SNX16: variants seen among roughly 807,000 people sequenced by gnomAD.
The protein encoded by SNX16 is sorting nexin-16.
A neutral mutation model predicts 36.7 loss-of-function variants in SNX16; 35 were observed. The observed-to-expected ratio is 0.95, with a 90% CI of 0.73 to 1.27. The LOEUF is 1.27. Ranked by LOEUF, SNX16 falls within the 50% of genes most tolerant of loss-of-function variation. The probability of loss-of-function intolerance (pLI) is 0.00; values close to 1 mark genes in which losing one functional copy is unlikely to be tolerated. For missense variants in SNX16, 367 were observed against 393.6 expected (o/e 0.93, Z 0.57); for synonymous variants, 134 against 132.0 (o/e 1.02, Z -0.10).
chr8:81,824,736 G>A (rs765218201), intron 3 of SNX16, among the ~76,000 whole-genome samples: 1 of 152,130 alleles, frequency 6.6e-6, no homozygotes, highest in Non-Finnish European at 1.5e-5. Flanking sequence ...CCACAACTGT[G>A]TAACAAATTA....
At chr8:81,814,150 C>A (rs1810379857) in intron 5 of SNX16, among the ~76,000 whole-genome samples, 1 of 151,848 alleles carries the variant, frequency 6.6e-6, no homozygotes, top group Admixed American at 6.6e-5. Context: ...CATAATATCA[C>A]AAAACTGGAA....
At chr8:81,840,791 C>A (rs1009716048) in intron 1 of SNX16, among the ~76,000 whole-genome samples, 3 of 152,196 alleles carry the variant, frequency 2.0e-5, no homozygotes, top group African/African-American at 7.2e-5. Flanking sequence ...GTATTTAAAT[C>A]TTTATAACTT....
At chr8:81,823,016 T>C (rs948508076) in intron 4 of SNX16, among the ~76,000 whole-genome samples, 3 of 147,488 alleles carry the variant, frequency 2.0e-5, no homozygotes, top group Non-Finnish European at 4.5e-5. Context: ...ATATCGCACG[T>C]GTGTCATGCA....
At chr8:81,805,329 TAA>T (rs1364813577) in intron 5 of SNX16, among the ~76,000 whole-genome samples, 1 of 152,112 alleles carries the variant, frequency 6.6e-6, no homozygotes, top group Non-Finnish European at 1.5e-5. Context: ...ATGAAAATAT[TAA>T]GACTTGTGAG....
chr8:81,823,867 TC>T lies in SNX16; in HGVS notation c.535del (p.Asp179ThrfsTer3). 1 of 1,612,342 alleles carries T rather than the reference TC, an allele frequency of 6.2e-7. No individual in the cohort carries two copies. The highest frequency in any genetic ancestry group is 2.2e-5 in the East Asian group (1 of 44,754). On this transcript the variant is annotated frameshift_variant, in exon 4 of 8. Coordinates refer to ENST00000345957, the MANE Select transcript of SNX16 (RefSeq NM_152836.3). LOFTEE classifies it high-confidence loss of function. ...KRWFKDNYNA[D>X]FLEDRQLGLQ... is the part of the protein sequence containing the mutation. ...TCCTAATTGTCTGTCTTCTAAAAAG[TC>T]AGCATTGTAATTATCTTTAAACCAG...
intron 3 of SNX16, among the ~76,000 whole-genome samples, chr8:81,824,528 A>ATG (rs1354034824): frequency 2.0e-5 from 3 of 151,138 alleles, no homozygotes; most frequent in African/African-American, 7.4e-5. Context: ...GCTTTTTTTT[A>ATG]GATCATAAAA....
At chr8:81,829,683 T>C (rs562695166) in intron 2 of SNX16, among the ~76,000 whole-genome samples, 167 bp from the exon 3 acceptor site, 1 of 152,252 alleles carries the variant, frequency 6.6e-6, no homozygotes, top group Non-Finnish European at 1.5e-5. Flanking sequence ...AAATAATCAA[T>C]GCAGGCACCA....
chr8:81,830,049 CT>C (rs1811184079), intron 2 of SNX16, among the ~76,000 whole-genome samples: 1 of 152,168 alleles, frequency 6.6e-6, no homozygotes, highest in Non-Finnish European at 1.5e-5. Context: ...CCTAAAAACT[CT>C]GCGAAAAGGC....
At chr8:81,825,081 CT>C (rs1563447401) in intron 3 of SNX16, among the ~76,000 whole-genome samples, 1 of 152,150 alleles carries the variant, frequency 6.6e-6, no homozygotes, top group South Asian at 2.1e-4. Flanking sequence ...CAGAATGAAA[CT>C]GTGCACTTCT....
chr8:81,819,333 T>C (rs984911374), intron 4 of SNX16, among the ~76,000 whole-genome samples: 9 of 152,126 alleles, frequency 5.9e-5, no homozygotes. Flanking sequence ...GACTGTGCAA[T>C]GTAAGACTAT....
At chr8:81,810,789 G>C (rs1005929762) in intron 5 of SNX16, among the ~76,000 whole-genome samples, 1 of 152,112 alleles carries the variant, frequency 6.6e-6, no homozygotes. Context: ...TAGAGGCCTA[G>C]GATGCTGCTA....
intron 3 of SNX16, among the ~76,000 whole-genome samples, 164 bp from the exon 4 acceptor site, chr8:81,824,104 C>T (rs1007411946): frequency 3.9e-5 from 6 of 152,042 alleles, no homozygotes; most frequent in Admixed American, 1.3e-4. Flanking sequence ...TGTTTTCTAC[C>T]AGCTGTGTAT....
At chr8:81,834,662 G>A (rs960499260) in intron 2 of SNX16, among the ~76,000 whole-genome samples, 1 of 152,162 alleles carries the variant, frequency 6.6e-6, no homozygotes, top group Non-Finnish European at 1.5e-5. Context: ...AAATCCAGCA[G>A]GGTAGTCAAA....
At position 81,803,075 on chromosome 8, in the gene SNX16, C is replaced by T. The variant is rs765752590; in HGVS notation, c.818+17G>A. ...GGTTGAATTAGTCAGAGTAGAAATG[C>T]AAGTATCACAACACACCTGATTCTG... On this transcript the variant is annotated intron_variant, in intron 6 of 7. Coordinates refer to ENST00000345957, the MANE Select transcript of SNX16 (RefSeq NM_152836.3). 30 of 1,584,364 alleles carry T rather than the reference C, an allele frequency of 1.9e-5. No individual in the cohort carries two copies. The South Asian group carries it at 3.5e-4, about 19-fold the overall frequency.
intron 1 of SNX16, among the ~76,000 whole-genome samples, chr8:81,841,282 A>G (rs1472478558): frequency 6.8e-6 from 1 of 148,004 alleles, no homozygotes; most frequent in Non-Finnish European, 1.5e-5. Context: ...CGGAGGTTGC[A>G]GTTTGCCGAG....
intron 4 of SNX16, among the ~76,000 whole-genome samples, chr8:81,820,651 T>A (rs1563443125): frequency 6.9e-6 from 1 of 145,904 alleles, no homozygotes; most frequent in Non-Finnish European, 1.6e-5. Flanking sequence ...TCTTAAGCAT[T>A]CCAGGCTCCC....
intron 2 of SNX16, among the ~76,000 whole-genome samples, chr8:81,835,967 C>T (rs1481819171): frequency 1.3e-5 from 2 of 152,228 alleles, no homozygotes; most frequent in African/African-American, 4.8e-5. Flanking sequence ...TGAGACAAGG[C>T]AAGTCCCTTT....
At chr8:81,819,694 ATATT>A (rs1810646520) in intron 4 of SNX16, among the ~76,000 whole-genome samples, 1 of 152,138 alleles carries the variant, frequency 6.6e-6, no homozygotes, top group South Asian at 2.1e-4. Context: ...CTCTAAATAA[ATATT>A]TATTGAACAG....
At position 81,802,186 on chromosome 8, in the gene SNX16, T is replaced by A. The variant is rs186564731; in HGVS notation, c.938+194A>T. 3.9e-3 allele frequency among the ~76,000 whole-genome samples: 595 copies of A among 151,834 alleles called. 4 individuals carry two copies. The highest frequency in any genetic ancestry group is 0.014 in the African/African-American group (574 of 41,532). On this transcript the variant is annotated intron_variant, in intron 7 of 7. Coordinates refer to ENST00000345957, the MANE Select transcript of SNX16 (RefSeq NM_152836.3). ...ACTTACATCCTGATGTCAAAGACAC[T>A]TTTTATTTTTAAAGTGTTTTTATTT...
Sources: allele counts gnomAD v4.1 joint callset (sites outside exome capture counted in the v4.1 genomes callset), GRCh38; gene constraint gnomAD v4.1.1; transcripts MANE v1.5; gene names NCBI Gene and HGNC (gene_info 2026-07-23, HGNC 2026-07-21).